The following SLC30A8 variants were observed in gnomAD, a reference collection of about 807,000 sequenced individuals.
The protein encoded by SLC30A8 is proton-coupled zinc antiporter SLC30A8.
Under a neutral mutation model 36.9 loss-of-function variants are expected in SLC30A8, and 27 were observed. That is an observed-to-expected ratio of 0.73 (90% CI 0.54 to 1.01). The LOEUF is 1.01. Ranked by LOEUF, SLC30A8 falls within the 50% of genes least tolerant of loss-of-function variation. The pLI is 0.00. For missense variants in SLC30A8, 439 were observed against 452.0 expected (o/e 0.97, Z 0.26); for synonymous variants, 164 against 172.4 (o/e 0.95, Z 0.38).
intron 2 of SLC30A8, among the ~76,000 whole-genome samples, chr8:117,054,701 G>A (rs1487027523): frequency 6.7e-6 from 1 of 149,270 alleles, no homozygotes; most frequent in Non-Finnish European, 1.5e-5. Context: ...ATATCATTTT[G>A]ATATGAGGTA....
intron 1 of SLC30A8, among the ~76,000 whole-genome samples, chr8:116,973,517 C>T (rs1018563851): frequency 3.3e-5 from 5 of 152,108 alleles, no homozygotes; most frequent in African/African-American, 4.8e-5. Context: ...AACTACAAAC[C>T]GCTGCTCAAC....
chr8:116,983,990 C>G (rs1815359770), intron 1 of SLC30A8, among the ~76,000 whole-genome samples: 1 of 152,168 alleles, frequency 6.6e-6, no homozygotes, highest in African/African-American at 2.4e-5. Context: ...CATACCCACC[C>G]TCTTTCCTCA....
intron 1 of SLC30A8, among the ~76,000 whole-genome samples, chr8:116,996,451 A>C (rs1815817747): frequency 6.6e-6 from 1 of 152,214 alleles, no homozygotes; most frequent in Non-Finnish European, 1.5e-5. Context: ...ATGGCTAATC[A>C]AGCTAATTAA....
intron 2 of SLC30A8, among the ~76,000 whole-genome samples, chr8:117,092,574 C>A (rs1039223879): frequency 3.3e-5 from 5 of 152,168 alleles, no homozygotes; most frequent in Admixed American, 2.6e-4. Flanking sequence ...ACAAAGATTT[C>A]CTGAGTGCCC....
chr8:117,087,629 A>G (rs765264846), intron 2 of SLC30A8, among the ~76,000 whole-genome samples: 2 of 151,968 alleles, frequency 1.3e-5, no homozygotes, highest in Non-Finnish European at 2.9e-5. Flanking sequence ...TGGAACTCCA[A>G]TCTTAGATTT....
Position 117,173,841 on chromosome 8 carries a change from T to C in SLC30A8, c.*1160T>C, listed in dbSNP as rs1823525819. 1 of 152,098 alleles carries C rather than the reference T, an allele frequency of 6.6e-6. No homozygotes were observed. Among genetic ancestry groups the C allele is most frequent in the African/African-American group, 2.4e-5 (1 of 41,444 alleles). The allele number at this position is 152,098 out of a possible 1,614,324, so 9.4% of individuals were successfully genotyped here. On this transcript the variant is annotated 3_prime_UTR_variant, in exon 8 of 8. Transcript: ENST00000456015. Reference sequence around the variant, plus strand: ...TAGACACATACATTGGCAGCTACAATAGTATCATGAATTGCAATGATGTAG... The same window carrying C: ...TAGACACATACATTGGCAGCTACAACAGTATCATGAATTGCAATGATGTAG...
At chr8:117,155,764 T>A (rs1211348071) in intron 3 of SLC30A8, among the ~76,000 whole-genome samples, 1 of 152,204 alleles carries the variant, frequency 6.6e-6, no homozygotes, top group African/African-American at 2.4e-5. Context: ...GTGGGGTTGG[T>A]TCCTTCTGAG....
In SLC30A8 at chr8:117,167,504, T is replaced by TATATATATAC. The variant is rs1491223080; in HGVS notation, c.830-3530_830-3529insATATATATAC. On this transcript the variant is annotated intron_variant, in intron 6 of 7. Transcript: ENST00000456015. The stretch of plus-strand genomic sequence containing the variant: ...GCATATATATATATACATACATACA[T>TATATATATAC]GTATATGTATATGTGTATGTGATGT... 1.7e-3 allele frequency among the ~76,000 whole-genome samples: 238 copies of TATATATATAC among 142,240 alleles called. 8 individuals carry two copies. The East Asian group carries it at 0.031, about 18-fold the overall frequency. The allele number at this position is 142,240 out of a possible 152,430, so 93.3% of individuals were successfully genotyped here.
intron 2 of SLC30A8, among the ~76,000 whole-genome samples, chr8:117,057,234 A>C (rs898434108): frequency 6.6e-6 from 1 of 152,292 alleles, no homozygotes; most frequent in Non-Finnish European, 1.5e-5. Context: ...AAAAATACTT[A>C]TTACTTATTT....
At chr8:116,982,017 A>G (rs7815163) in intron 1 of SLC30A8, among the ~76,000 whole-genome samples, 4,881 of 152,262 alleles carry the variant, frequency 0.032, 245 homozygotes, top group African/African-American at 0.11. Context: ...TGGCTAAACT[A>G]ATTTATATTC....
At chr8:117,094,254 G>C (rs560229298) in intron 2 of SLC30A8, among the ~76,000 whole-genome samples, 79 of 152,358 alleles carry the variant, frequency 5.2e-4, no homozygotes, top group Non-Finnish European at 7.5e-4. Flanking sequence ...CCATTTGGCA[G>C]GTCCCGAGTT....
intron 2 of SLC30A8, among the ~76,000 whole-genome samples, chr8:117,058,586 G>A (rs1817939380): frequency 6.6e-6 from 1 of 152,120 alleles, no homozygotes; most frequent in Non-Finnish European, 1.5e-5. Flanking sequence ...GTGGGGGCAT[G>A]GGACACAAAC....
chr8:117,023,559 A>G (rs1213123598), intron 1 of SLC30A8, among the ~76,000 whole-genome samples: 3 of 152,242 alleles, frequency 2.0e-5, no homozygotes, highest in Middle Eastern at 6.8e-3. Flanking sequence ...TGATGAGTTC[A>G]TGTATTTTGT....
intron 2 of SLC30A8, among the ~76,000 whole-genome samples, chr8:117,040,535 G>A (rs1817352996): frequency 6.6e-6 from 1 of 152,134 alleles, no homozygotes; most frequent in Admixed American, 6.5e-5. Context: ...AAGTGAGAAT[G>A]AAAAATGCTT....
At chr8:117,161,924 G>A in intron 5 of SLC30A8, 36 bp downstream of exon 5, 1 of 1,570,124 alleles carries the variant, frequency 6.4e-7, no homozygotes, top group Non-Finnish European at 8.7e-7. Flanking sequence ...TAGTACTTAT[G>A]TAGATTAGGT....
intron 2 of SLC30A8, among the ~76,000 whole-genome samples, chr8:117,088,868 C>T (rs530526541): frequency 6.6e-6 from 1 of 152,294 alleles, no homozygotes; most frequent in African/African-American, 2.4e-5. Flanking sequence ...CCTGATATTG[C>T]ACCCAGTGCT....
intron 1 of SLC30A8, among the ~76,000 whole-genome samples, chr8:117,005,496 C>A (rs996488065): frequency 6.6e-6 from 1 of 152,150 alleles, no homozygotes; most frequent in Non-Finnish European, 1.5e-5. Flanking sequence ...TAGGTTGATT[C>A]CACCTCTTGG....
intron 1 of SLC30A8, 143 bp downstream of exon 1, chr8:117,135,541 A>G (rs111658697): frequency 1.9e-6 from 1 of 519,314 alleles, no homozygotes. Flanking sequence ...ACTGACATGT[A>G]TTTTATATTC....
chr8:117,005,303 A>G (rs983948991), intron 1 of SLC30A8, among the ~76,000 whole-genome samples: 13 of 152,298 alleles, frequency 8.5e-5, no homozygotes, highest in Admixed American at 3.9e-4. Flanking sequence ...ATATGAATGG[A>G]ATCACATAAA....
Sources: allele counts gnomAD v4.1 joint callset (sites outside exome capture counted in the v4.1 genomes callset), GRCh38; gene constraint gnomAD v4.1.1; transcripts MANE v1.5; gene names NCBI Gene and HGNC (gene_info 2026-07-23, HGNC 2026-07-21).